GZF1: variants seen among roughly 807,000 people sequenced by gnomAD.
GZF1 encodes the protein GDNF-inducible zinc finger protein 1.
GZF1 carries 28 observed loss-of-function variants against 49.4 expected under a neutral mutation model. The ratio of observed to expected loss-of-function variants is 0.57; its 90% confidence interval spans 0.42 to 0.78. The LOEUF is 0.78. Among genes scored for constraint, GZF1 ranks in the 30% least tolerant of loss-of-function variants. The probability of loss-of-function intolerance (pLI) is 0.00; values close to 1 mark genes in which losing one functional copy is unlikely to be tolerated. For synonymous variants in GZF1, 364 were observed against 356.0 expected (o/e 1.02, Z -0.25); for missense variants, 798 against 916.2 (o/e 0.87, Z 1.67).
At position 23,367,011 on chromosome 20, in the gene GZF1, C is replaced by A. The variant is rs747821527; in HGVS notation, c.1373C>A (p.Thr458Lys). The change falls in exon 3 of 6, where the codon ACA becomes AAA. Residue 458 changes from threonine to lysine, a missense_variant. By Grantham distance (78) the Thr-to-Lys change is moderately conservative. Coordinates refer to ENST00000338121, the MANE Select transcript of GZF1 (RefSeq NM_022482.5). ...SALKTHMRIH[T>K]GEKPFVCDEC... ...GAATGTTGTACTTTCAGAATTCATA[C>A]AGGGGAAAAACCTTTTGTCTGTGAT... The A allele has an allele frequency of 6.2e-7, 1 of 1,609,090 alleles. No individual in the cohort carries two copies.
chr20:23,368,936 T>G lies in GZF1; in HGVS notation c.1627+7T>G. The G allele has an allele frequency of 6.2e-7, 1 of 1,602,726 alleles. No individual in the cohort carries two copies. The highest frequency in any genetic ancestry group is 8.5e-7 in the Non-Finnish European group (1 of 1,174,816). On this transcript the variant is annotated splice_region_variant and intron_variant, in intron 4 of 5. Coordinates refer to ENST00000338121, the MANE Select transcript of GZF1 (RefSeq NM_022482.5). ...CATATTAAAGTCCACACAGGTATGG[T>G]TGGAATGTCCCAGGGAAGGGAGTTT...
intron 5 of GZF1, 37 bp from the exon 6 acceptor site, chr20:23,370,054 C>T (rs1301893045): frequency 6.5e-7 from 1 of 1,529,122 alleles, no homozygotes; most frequent in Non-Finnish European, 9.1e-7. Context: ...TGTCCAGAGA[C>T]ACATTCAGTG....
upstream of GZF1, among the ~76,000 whole-genome samples, chr20:23,361,356 T>C (rs954963601): frequency 5.9e-5 from 9 of 152,310 alleles, no homozygotes; most frequent in Admixed American, 4.6e-4. Flanking sequence ...TGAGCAAGAA[T>C]TGGTGGAAAC....
chr20:23,361,614 C>T (rs566080175), upstream of GZF1, among the ~76,000 whole-genome samples: 2 of 152,332 alleles, frequency 1.3e-5, no homozygotes, highest in South Asian at 2.1e-4. Flanking sequence ...CCCCGCCTGG[C>T]GCCAGTTCTC....
At chr20:23,366,177 G>A (rs1484482380) in intron 2 of GZF1, among the ~76,000 whole-genome samples, 4 of 152,240 alleles carry the variant, frequency 2.6e-5, no homozygotes, top group African/African-American at 9.6e-5. Context: ...TGGTTCTCAG[G>A]CTTGGAAGGA....
intron 1 of GZF1, among the ~76,000 whole-genome samples, chr20:23,364,145 T>C (rs1488600658): frequency 6.6e-6 from 1 of 152,228 alleles, no homozygotes; most frequent in Non-Finnish European, 1.5e-5. Context: ...AACCTTAGAA[T>C]ACACTATTTT....
At chr20:23,366,698 T>C (rs1359332525) in intron 2 of GZF1, among the ~76,000 whole-genome samples, 1 of 152,216 alleles carries the variant, frequency 6.6e-6, no homozygotes, top group Non-Finnish European at 1.5e-5. Flanking sequence ...GTCTTTAGTG[T>C]TTAAAAAAAT....
At chr20:23,361,926 G>A (rs1980697426), upstream of GZF1, among the ~76,000 whole-genome samples, 1 of 152,240 alleles carries the variant, frequency 6.6e-6, no homozygotes, top group Admixed American at 6.5e-5. Flanking sequence ...CAGCGCAGAC[G>A]TCGCTGTCTC....
upstream of GZF1, among the ~76,000 whole-genome samples, chr20:23,361,529 T>C (rs1363562225): frequency 6.6e-6 from 1 of 152,126 alleles, no homozygotes; most frequent in East Asian, 1.9e-4. Context: ...CGGTCCCGGC[T>C]CCTGGCGCGC....
rs989333109 is a variant in GZF1, at chr20:23,370,156, T to C, written c.1851T>C (p.Asp617=). 3.7e-6 allele frequency: 6 copies of C among 1,614,262 alleles called. No individual in the cohort carries two copies. In the African/African-American group the frequency reaches 4.0e-5, roughly 11 times the overall value. Residue 617 remains aspartate (D), a synonymous_variant, in exon 6 of 6, where the codon GAT becomes GAC. Coordinates refer to ENST00000338121, the MANE Select transcript of GZF1 (RefSeq NM_022482.5). ...TTGTAGATGGCTCGCCCAAGAACGA[T>C]GACGGACACAAGACTGAACAGCCTG... is the stretch of plus-strand genomic sequence containing the variant. ...LVIVDGSPKN[D]DGHKTEQPDE...
chr20:23,361,581 C>A (rs984675017), upstream of GZF1, among the ~76,000 whole-genome samples: 1 of 151,866 alleles, frequency 6.6e-6, no homozygotes, highest in African/African-American at 2.4e-5. Context: ...AAGAAGCGCC[C>A]CAGAGGAGAG....
intron 1 of GZF1, 51 bp from the exon 2 acceptor site, chr20:23,364,312 T>C: frequency 2.9e-6 from 3 of 1,048,486 alleles, no homozygotes; most frequent in East Asian, 2.4e-5. Context: ...TAAATTTTAG[T>C]CCTTTTGCAT....
At chr20:23,366,700 TA>T (rs1981440252) in intron 2 of GZF1, among the ~76,000 whole-genome samples, 1 of 152,232 alleles carries the variant, frequency 6.6e-6, no homozygotes, top group Non-Finnish European at 1.5e-5. Flanking sequence ...CTTTAGTGTT[TA>T]AAAAAATCTG....
chr20:23,370,203 A>G lies in GZF1; in HGVS notation c.1898A>G (p.Lys633Arg), dbSNP rs1035947356. 6.2e-7 allele frequency: 1 copy of G among 1,614,244 alleles called. No homozygotes were observed. The highest frequency in any genetic ancestry group is 8.5e-7 in the Non-Finnish European group (1 of 1,180,044). ...CCTGACGAAGAGTATGTGTCATCCA[A>G]GCTTTCGGATAAATTGCTGTCTTTT... ...EQPDEEYVSS[K>R]LSDKLLSFAE... The change falls in exon 6 of 6, where the codon AAG becomes AGG. Residue 633 changes from lysine to arginine, a missense_variant. Around this residue, in one of 3 missense-constraint regions of GZF1, gnomAD observed 446 missense variants for 540.1 expected, o/e 0.83. Coordinates refer to ENST00000338121, the MANE Select transcript of GZF1 (RefSeq NM_022482.5).
At position 23,369,672 on chromosome 20, in the gene GZF1, G is replaced by A. The variant is rs771268849; in HGVS notation, c.1716G>A (p.Glu572=). The change falls in exon 5 of 6, where the codon GAG becomes GAA. Residue 572 remains glutamate (E), a synonymous_variant. Coordinates refer to ENST00000338121, the MANE Select transcript of GZF1 (RefSeq NM_022482.5). The part of the protein sequence containing the change: ...LQRHRRIHTG[E]RPFMCNACGR... ...GCCACCGCCGCATCCACACAGGGGA[G>A]AGGCCATTCATGTGCAATGCGTGCG... 6.2e-7 allele frequency: 1 copy of A among 1,614,194 alleles called. No homozygotes were observed. Among genetic ancestry groups the A allele is most frequent in the South Asian group, 1.1e-5 (1 of 91,086 alleles).
rs866817750 is a variant in GZF1 at position 23,364,789 on chromosome 20, G to A, written c.406G>A (p.Val136Ile). 32 of 1,614,164 alleles carry A rather than the reference G, an allele frequency of 2.0e-5. No individual in the cohort carries two copies. The Admixed American group carries it at 3.8e-4, about 19-fold the overall frequency. Residue 136 changes from valine to isoleucine, a missense_variant, in exon 2 of 6, where the codon GTA becomes ATA. Physicochemically the swap from Val to Ile is conservative, Grantham distance 29. Around this residue, in one of 3 missense-constraint regions of GZF1, gnomAD observed 247 missense variants for 228.5 expected, o/e 1.08. Transcript: ENST00000338121. ...ATTAAAGAAACAGATGTTAGAGTCA[G>A]TACTTTTGGAGTTGCAAAATTTCTC... is the stretch of plus-strand genomic sequence containing the variant. ...FQLKKQMLES[V>I]LLELQNFSES... is the part of the protein sequence containing the mutation.
Position 23,364,593 on chromosome 20 carries a change from G to C in GZF1, c.210G>C (p.Val70=). ...AAGTGTTCCTTAATGAGAAGAGTGTGGATGGTACTAGGACTAATGTCTACT... is the reference window on the plus strand; with the variant it reads ...AAGTGTTCCTTAATGAGAAGAGTGTCGATGGTACTAGGACTAATGTCTACT... ...FKEVFLNEKS[V]DGTRTNVYLN... Residue 70 remains valine, a synonymous_variant, in exon 2 of 6, where the codon GTG becomes GTC. Transcript: ENST00000338121. 1 of 1,614,172 alleles carries C rather than the reference G, an allele frequency of 6.2e-7. No homozygotes were observed.
intron 5 of GZF1, 56 bp downstream of exon 5, chr20:23,369,797 A>C: frequency 6.5e-7 from 1 of 1,542,548 alleles, no homozygotes; most frequent in African/African-American, 1.4e-5. Context: ...GATGCACGGA[A>C]AGAGAAATAC....
Position 23,365,502 on chromosome 20 carries a change from C to T in GZF1, c.1119C>T (p.Ser373=), listed in dbSNP as rs1981226037. Residue 373 remains serine (S), a synonymous_variant, in exon 2 of 6, where the codon AGC becomes AGT. Transcript: ENST00000338121. ...LKSHQRHVHS[S]ERHFPCELCG... ...GCCACCAGCGCCACGTGCACAGCAG[C>T]GAGCGCCATTTCCCATGCGAGCTGT... The T allele has an allele frequency of 6.2e-6, 10 of 1,613,678 alleles. No individual in the cohort carries two copies. The highest frequency in any genetic ancestry group is 1.7e-5 in the Admixed American group (1 of 60,002).
Sources: gnomAD v4.1 joint callset for allele counts (sites outside exome capture counted in the v4.1 genomes callset) on GRCh38, gnomAD v4.1.1 for gene constraint, gnomAD v4.1.1 regional missense constraint, MANE v1.5 for transcripts, NCBI Gene and HGNC (gene_info 2026-07-23, HGNC 2026-07-21) for gene names.